Variants in MLIP observed in about 807,000 individuals in gnomAD.
The protein encoded by MLIP is muscular LMNA interacting protein, also known as muscular LMNA-interacting protein.
MLIP carries 79 observed loss-of-function variants against 84.8 expected under a neutral mutation model. The observed-to-expected ratio is 0.93, with a 90% CI of 0.78 to 1.12. The LOEUF (loss-of-function observed/expected upper bound fraction) is 1.12. Ranked by LOEUF, MLIP falls within the 50% of genes most tolerant of loss-of-function variation. MLIP has a pLI of 0.00. For synonymous variants in MLIP, 504 were observed against 463.0 expected, an observed-to-expected ratio of 1.09 and a Z score of -1.14; for missense variants, 1,257 against 1,160.6, an observed-to-expected ratio of 1.08 and a Z score of -1.21.
In MLIP at chr6:54,065,526, G is replaced by A. The variant is rs1766191581; in HGVS notation, c.63+46435G>A. Among the ~76,000 whole-genome samples the A allele has an allele frequency of 2.0e-5, 2 of 100,622 alleles. 1 individual carries two copies. Among genetic ancestry groups the A allele is most frequent in the Non-Finnish European group, 5.7e-5 (2 of 34,942 alleles). 66.0% of individuals were successfully genotyped at this position (100,622 alleles called of 152,430 possible). A position where few individuals can be genotyped will look rare whatever the true frequency, so the allele number is the denominator to read the frequency against. ...CTTAAACAACAGCAGAAGGGCATTCGAGAAAATACAAGGAAAAATATACCA... is the reference window on the plus strand; with the variant it reads ...CTTAAACAACAGCAGAAGGGCATTCAAGAAAATACAAGGAAAAATATACCA... On this transcript the variant is annotated intron_variant, in intron 1 of 12. Coordinates refer to the MLIP transcript ENST00000274897.
intron 1 of MLIP, among the ~76,000 whole-genome samples, chr6:54,037,891 TG>T (rs1764532917): frequency 6.6e-6 from 1 of 151,978 alleles, no homozygotes; most frequent in Admixed American, 6.6e-5. Context: ...TCAGTGAACC[TG>T]AAATTTGTTA....
At chr6:54,144,039 C>T (rs549770862) in intron 4 of MLIP, among the ~76,000 whole-genome samples, 47 of 152,252 alleles carry the variant, frequency 3.1e-4, no homozygotes, top group African/African-American at 3.6e-4. Context: ...GTTGCTACCT[C>T]GCCCATCTGC....
intron 1 of MLIP, among the ~76,000 whole-genome samples, chr6:54,031,991 A>G (rs1764167889): frequency 6.6e-6 from 1 of 152,126 alleles, no homozygotes; most frequent in South Asian, 2.1e-4. Flanking sequence ...TGACAGGAGG[A>G]GAATGGCAGT....
intron 11 of MLIP, among the ~76,000 whole-genome samples, chr6:54,223,431 T>C (rs1161724905): frequency 2.0e-5 from 3 of 152,072 alleles, no homozygotes; most frequent in Non-Finnish European, 4.4e-5. Flanking sequence ...TTTTTGTATA[T>C]TGTGTGAAAT....
intron 10 of MLIP, among the ~76,000 whole-genome samples, chr6:54,191,533 T>C (rs1410479850): frequency 1.3e-5 from 2 of 152,198 alleles, no homozygotes; most frequent in African/African-American, 4.8e-5. Context: ...ACCCACCTTA[T>C]ACTTCCTGCT....
chr6:54,167,899 C>T (rs568755890), intron 8 of MLIP, among the ~76,000 whole-genome samples: 20 of 151,834 alleles, frequency 1.3e-4, no homozygotes, highest in African/African-American at 4.8e-4. Context: ...TTGACTTTCT[C>T]TCTCTATACC....
At chr6:54,085,539 G>C (rs1358263097) in intron 1 of MLIP, among the ~76,000 whole-genome samples, 1 of 152,088 alleles carries the variant, frequency 6.6e-6, no homozygotes, top group Non-Finnish European at 1.5e-5. Context: ...AGAATTCTTG[G>C]GGGGATATTT....
intron 12 of MLIP, among the ~76,000 whole-genome samples, chr6:54,252,216 T>G (rs1782651251): frequency 9.1e-6 from 1 of 109,378 alleles, no homozygotes; most frequent in African/African-American, 3.9e-5. Context: ...ATATAATATA[T>G]AACTATATTA....
chr6:54,202,277 A>T, intron 11 of MLIP, 44 bp downstream of exon 11: 1 of 857,008 alleles, frequency 1.2e-6, no homozygotes, highest in Non-Finnish European at 1.5e-6. Flanking sequence ...TGATAAATAT[A>T]AATATATATA....
At chr6:54,190,081 T>A (rs1300043669) in intron 10 of MLIP, among the ~76,000 whole-genome samples, 167 bp downstream of exon 10, 1 of 152,218 alleles carries the variant, frequency 6.6e-6, no homozygotes, top group Non-Finnish European at 1.5e-5. Flanking sequence ...GTGGTTGTTT[T>A]GCAGGTGACA....
intron 1 of MLIP, among the ~76,000 whole-genome samples, chr6:54,118,590 A>G (rs1770157691): frequency 6.6e-6 from 1 of 152,246 alleles, no homozygotes; most frequent in Admixed American, 6.5e-5. Flanking sequence ...GGAAAGTTCT[A>G]TGACATTGGT....
At chr6:54,234,335 C>T (rs185777008) in intron 12 of MLIP, among the ~76,000 whole-genome samples, 52 of 152,084 alleles carry the variant, frequency 3.4e-4, no homozygotes, top group Non-Finnish European at 3.5e-4. Context: ...ATAAAATTTA[C>T]GAATATGCGT....
Position 54,137,606 on chromosome 6 carries a change from C to T in MLIP, c.1537C>T (p.Gln513Ter). 1 of 1,536,102 alleles carries T rather than the reference C, an allele frequency of 6.5e-7. No homozygotes were observed. Among genetic ancestry groups the T allele is most frequent in the Non-Finnish European group, 8.7e-7 (1 of 1,146,898 alleles). The change falls in exon 4 of 14, where the codon CAG becomes TAG. Residue 513 changes from glutamine (Q) to a stop codon, truncating the protein, a stop_gained. Coordinates refer to ENST00000502396, the MANE Select transcript of MLIP (RefSeq NM_001281747.2). LOFTEE classifies it high-confidence loss of function. ...GGCGCCCTCCCTCTCTCCTACAAAA[C>T]AGGCTAGTAGCAGCCTTGCTTCCAT... ...SQAPSLSPTK[Q>*]ASSSLASMNV...
chr6:54,247,716 A>T (rs1782182840), intron 12 of MLIP, among the ~76,000 whole-genome samples: 1 of 152,068 alleles, frequency 6.6e-6, no homozygotes, highest in Admixed American at 6.6e-5. Context: ...CCCTTCTGTT[A>T]CCTATAGACA....
intron 1 of MLIP, among the ~76,000 whole-genome samples, chr6:54,087,116 A>G (rs1053138960): frequency 6.6e-6 from 1 of 152,210 alleles, no homozygotes; most frequent in Non-Finnish European, 1.5e-5. Context: ...GCCAGTGCTC[A>G]GTCAAGATTT....
intron 1 of MLIP, among the ~76,000 whole-genome samples, chr6:54,116,856 T>A (rs894147795): frequency 4.6e-5 from 7 of 152,284 alleles, no homozygotes; most frequent in African/African-American, 1.7e-4. Context: ...AAAGTGCTAG[T>A]AAACTGAATT....
At chr6:54,211,614 A>G (rs1779456109) in intron 11 of MLIP, among the ~76,000 whole-genome samples, 1 of 152,244 alleles carries the variant, frequency 6.6e-6, no homozygotes, top group Non-Finnish European at 1.5e-5. Flanking sequence ...GTGAAACCTG[A>G]ATCTCATCAG....
rs80005673 is a variant in MLIP, at chr6:54,027,997, T to C, written c.63+8906T>C. Among the ~76,000 whole-genome samples the C allele has an allele frequency of 3.2e-3, 484 of 152,322 alleles. 2 individuals carry two copies. Among genetic ancestry groups the C allele is most frequent in the African/African-American group, 0.011 (461 of 41,568 alleles). ...ATTGTGAGAATTACAATTATATATCTAGTTGTTCTGTCTCAAGTACAGCTC... is the reference window on the plus strand; with the variant it reads ...ATTGTGAGAATTACAATTATATATCCAGTTGTTCTGTCTCAAGTACAGCTC... On this transcript the variant is annotated intron_variant, in intron 1 of 12. Coordinates refer to the MLIP transcript ENST00000274897.
At chr6:54,151,976 G>C (rs373165410) in intron 5 of MLIP, among the ~76,000 whole-genome samples, 1 of 151,960 alleles carries the variant, frequency 6.6e-6, no homozygotes, top group Admixed American at 6.6e-5. Context: ...GAGGTTTCTG[G>C]TACTTCTGTT....
Sources: allele counts gnomAD v4.1 joint callset (sites outside exome capture counted in the v4.1 genomes callset), GRCh38; gene constraint gnomAD v4.1.1; transcripts MANE v1.5; gene names NCBI Gene and HGNC (gene_info 2026-07-23, HGNC 2026-07-21).